BRD10: variants seen among roughly 807,000 people sequenced by gnomAD.
BRD10 encodes the protein bromodomain containing 10, also known as uncharacterized bromodomain-containing protein 10.
the BRD10 span, among the ~76,000 whole-genome samples, chr9:5,903,024 TTTTAA>T: frequency 1.3e-5 from 2 of 152,240 alleles, no homozygotes; most frequent in African/African-American, 4.8e-5. Flanking sequence ...TGATATCATA[TTTTAA>T]TTTCATTTAA....
the BRD10 span, among the ~76,000 whole-genome samples, chr9:5,952,854 C>T: frequency 3.3e-5 from 5 of 152,050 alleles, no homozygotes; most frequent in Admixed American, 6.6e-5. Flanking sequence ...GGTATAAAGG[C>T]CTCTAAGTAA....
the BRD10 span, chr9:5,923,221 T>G: frequency 6.2e-7 from 1 of 1,614,016 alleles, no homozygotes; most frequent in Non-Finnish European, 8.5e-7. Flanking sequence ...TTTTAAGCAG[T>G]GTCTTCGGTA....
At chr9:5,932,146 T>C in the BRD10 span, among the ~76,000 whole-genome samples, 4 of 152,132 alleles carry the variant, frequency 2.6e-5, no homozygotes, top group African/African-American at 7.2e-5. Context: ...GGGTCTAATA[T>C]AAAAATCTAC....
At chr9:5,969,440 A>G in the BRD10 span, 1 of 1,509,562 alleles carries the variant, frequency 6.6e-7, no homozygotes, top group Non-Finnish European at 8.8e-7. Flanking sequence ...CCGAAGCCTA[A>G]AGAAATTTAA....
chr9:5,911,793 C>G, the BRD10 span, among the ~76,000 whole-genome samples: 5 of 152,086 alleles, frequency 3.3e-5, no homozygotes, highest in African/African-American at 1.2e-4. Flanking sequence ...CCTCAGCCTC[C>G]CAAAGTGCTG....
At chr9:6,004,248 C>A in the BRD10 span, among the ~76,000 whole-genome samples, 2 of 152,206 alleles carry the variant, frequency 1.3e-5, no homozygotes, top group Admixed American at 6.5e-5. Context: ...GTTCATATAT[C>A]CATTACAGAA....
chr9:6,005,924 T>G, the BRD10 span, among the ~76,000 whole-genome samples: 1 of 152,206 alleles, frequency 6.6e-6, no homozygotes, highest in Admixed American at 6.5e-5. Flanking sequence ...AGAGCTCACT[T>G]AACGAAGACA....
At chr9:5,943,681 G>A in the BRD10 span, among the ~76,000 whole-genome samples, 1 of 151,994 alleles carries the variant, frequency 6.6e-6, no homozygotes, top group Non-Finnish European at 1.5e-5. Flanking sequence ...TACACCTAAA[G>A]TGTATACGTA....
chr9:5,937,480 A>G, the BRD10 span, among the ~76,000 whole-genome samples: 3 of 152,310 alleles, frequency 2.0e-5, no homozygotes, highest in Non-Finnish European at 4.4e-5. Flanking sequence ...GGTTGCAGTG[A>G]GCCGAGATCA....
At chr9:5,988,526 T>G in the BRD10 span, 1 of 1,613,766 alleles carries the variant, frequency 6.2e-7, no homozygotes. Flanking sequence ...ACTGCTATCG[T>G]TGTCTTTTCT....
the BRD10 span, among the ~76,000 whole-genome samples, chr9:5,933,192 T>A: frequency 2.0e-5 from 3 of 152,216 alleles, no homozygotes; most frequent in African/African-American, 7.2e-5. Context: ...CTGACTCTCC[T>A]TTATAAACAA....
chr9:6,003,791 AATT>A, the BRD10 span, among the ~76,000 whole-genome samples: 1 of 151,974 alleles, frequency 6.6e-6, no homozygotes, highest in East Asian at 1.9e-4. Flanking sequence ...AATATTTATA[AATT>A]ATTTATAGAT....
the BRD10 span, among the ~76,000 whole-genome samples, chr9:5,911,138 T>C: frequency 2.0e-5 from 3 of 152,246 alleles, no homozygotes; most frequent in East Asian, 5.8e-4. Context: ...CCTGGAGAGT[T>C]TCTCCAACGC....
chr9:5,949,493 T>G, the BRD10 span, among the ~76,000 whole-genome samples: 1 of 152,352 alleles, frequency 6.6e-6, no homozygotes, highest in African/African-American at 2.4e-5. Flanking sequence ...AAGTATAGTT[T>G]TTTCAGAGGT....
chr9:5,944,656 C>T, the BRD10 span, among the ~76,000 whole-genome samples: 1 of 152,004 alleles, frequency 6.6e-6, no homozygotes, highest in African/African-American at 2.4e-5. Flanking sequence ...ACAAACCAGG[C>T]AAACAAAATT....
the BRD10 span, among the ~76,000 whole-genome samples, chr9:5,955,838 A>T: frequency 6.6e-6 from 1 of 152,212 alleles, no homozygotes; most frequent in Admixed American, 6.5e-5. Flanking sequence ...TGGGCTGCTT[A>T]AATAAGCAAT....
chr9:5,997,493 A>T, the BRD10 span, among the ~76,000 whole-genome samples: 5 of 152,026 alleles, frequency 3.3e-5, no homozygotes, highest in Non-Finnish European at 7.4e-5. Flanking sequence ...AATAAATTCT[A>T]AAGTCACAGT....
the BRD10 span, among the ~76,000 whole-genome samples, chr9:5,952,828 A>C: frequency 6.6e-6 from 1 of 152,236 alleles, no homozygotes; most frequent in Non-Finnish European, 1.5e-5. Context: ...AAGCATTAAA[A>C]TATGTTACAA....
chr9:5,955,474 A>C, the BRD10 span, among the ~76,000 whole-genome samples: 1 of 152,198 alleles, frequency 6.6e-6, no homozygotes, highest in East Asian at 1.9e-4. Flanking sequence ...TTCCTATATA[A>C]ATATAATCAT....
Sources: allele counts gnomAD v4.1 joint callset (sites outside exome capture counted in the v4.1 genomes callset), GRCh38; gene constraint gnomAD v4.1.1; transcripts MANE v1.5; gene names NCBI Gene and HGNC (gene_info 2026-07-23, HGNC 2026-07-21).